CENPC: variants seen among roughly 807,000 people sequenced by gnomAD.
CENPC encodes the protein CENP-C 1.
Under a neutral mutation model 112.1 loss-of-function variants are expected in CENPC, and 63 were observed. That is an observed-to-expected ratio of 0.56 (90% confidence interval 0.46 to 0.69). CENPC has a LOEUF of 0.69. Among genes scored for constraint, CENPC ranks in the 30% least tolerant of loss-of-function variants. The pLI, the probability that CENPC is intolerant of heterozygous loss-of-function variation, is 0.00. For synonymous variants in CENPC, 333 were observed against 367.6 expected, an observed-to-expected ratio of 0.91 and a Z score of 1.08; for missense variants, 1,000 against 1,103.8, an observed-to-expected ratio of 0.91 and a Z score of 1.33.
At chr4:67,536,884 G>A (rs1019489546) in intron 4 of CENPC, among the ~76,000 whole-genome samples, 2 of 151,436 alleles carry the variant, frequency 1.3e-5, no homozygotes, top group African/African-American at 4.8e-5. Context: ...AAAATTAATC[G>A]ATGAAAAAGA....
intron 5 of CENPC, among the ~76,000 whole-genome samples, chr4:67,528,485 C>T (rs1374339624): frequency 6.6e-6 from 1 of 152,110 alleles, no homozygotes; most frequent in African/African-American, 2.4e-5. Flanking sequence ...TACCCCCTAC[C>T]ACAATCCCCT....
At chr4:67,484,327 C>T (rs1725031181) in intron 17 of CENPC, among the ~76,000 whole-genome samples, 1 of 152,156 alleles carries the variant, frequency 6.6e-6, no homozygotes, top group African/African-American at 2.4e-5. Flanking sequence ...CTTAATGACT[C>T]ATTTCTCAGT....
intron 2 of CENPC, among the ~76,000 whole-genome samples, chr4:67,542,155 T>A (rs776831811): frequency 6.6e-6 from 1 of 152,186 alleles, no homozygotes; most frequent in Non-Finnish European, 1.5e-5. Flanking sequence ...GTGGACAAAC[T>A]TTTGCTTAAA....
chr4:67,523,164 T>A (rs1208334232), intron 5 of CENPC, among the ~76,000 whole-genome samples: 1 of 151,388 alleles, frequency 6.6e-6, no homozygotes, highest in Non-Finnish European at 1.5e-5. Flanking sequence ...ACACAAAAAA[T>A]TAGATGAGCG....
chr4:67,545,446 G>C lies in CENPC; in HGVS notation c.-91C>G, dbSNP rs756635543. 8.9e-6 allele frequency: 12 copies of C among 1,344,244 alleles called. No homozygotes were observed. The highest frequency in any genetic ancestry group is 1.2e-5 in the Non-Finnish European group (12 of 1,014,262). The allele number at this position is 1,344,244 out of a possible 1,614,324, so 83.3% of individuals were successfully genotyped here. A position where few individuals can be genotyped will look rare whatever the true frequency, so the allele number is the denominator to read the frequency against. ...AAGCCGAGCAAGAAACGAATCGCCG[G>C]AATACCAGGCCGCGGCCAAGCAATA... On this transcript the variant is annotated 5_prime_UTR_variant, in exon 1 of 19. Coordinates refer to ENST00000273853, the MANE Select transcript of CENPC (RefSeq NM_001812.4).
chr4:67,537,604 C>A (rs751615572), intron 4 of CENPC, among the ~76,000 whole-genome samples: 1 of 152,036 alleles, frequency 6.6e-6, no homozygotes, highest in Non-Finnish European at 1.5e-5. Flanking sequence ...ACCAGCCTGG[C>A]CAACATGGTT....
In CENPC at chr4:67,472,280, G is replaced by T; in HGVS notation, c.*325C>A. The T allele has an allele frequency of 6.0e-6, 1 of 167,250 alleles. No individual in the cohort carries two copies. The highest frequency in any genetic ancestry group is 1.3e-5 in the Non-Finnish European group (1 of 78,526). 10.4% of individuals were successfully genotyped at this position (167,250 alleles called of 1,614,324 possible). On this transcript the variant is annotated 3_prime_UTR_variant, in exon 19 of 19. Transcript: ENST00000273853. ...AATAAATGATTTAAAATTAGTATTT[G>T]GAAAAGATGTTTTTTAATGAGTAGA... is the stretch of plus-strand genomic sequence containing the variant.
intron 4 of CENPC, among the ~76,000 whole-genome samples, chr4:67,533,650 G>C (rs1352177512): frequency 6.6e-6 from 1 of 152,126 alleles, no homozygotes; most frequent in African/African-American, 2.4e-5. Context: ...AGAGAGAATG[G>C]AAACATGCTA....
intron 5 of CENPC, among the ~76,000 whole-genome samples, chr4:67,530,554 T>C (rs973765731): frequency 2.6e-5 from 4 of 152,102 alleles, no homozygotes; most frequent in African/African-American, 9.7e-5. Flanking sequence ...GTAACACTCT[T>C]TTAATCTGAA....
At chr4:67,490,768 A>G (rs1292837656) in intron 16 of CENPC, among the ~76,000 whole-genome samples, 1 of 149,580 alleles carries the variant, frequency 6.7e-6, no homozygotes, top group African/African-American at 2.4e-5. Context: ...TCTGTCATCA[A>G]TGTCTGATTC....
intron 9 of CENPC, chr4:67,510,877 C>A (rs928789438): frequency 1.5e-5 from 6 of 403,460 alleles, no homozygotes; most frequent in Admixed American, 2.8e-5. Context: ...CCAGCTTGAT[C>A]AAAAATCCAA....
At chr4:67,493,736 A>C in intron 14 of CENPC, 148 bp downstream of exon 14, 1 of 571,020 alleles carries the variant, frequency 1.8e-6, no homozygotes, top group Non-Finnish European at 3.1e-6. Context: ...CTCTACATTA[A>C]TCAGACAAAA....
chr4:67,497,854 T>C (rs1167731569), intron 12 of CENPC, among the ~76,000 whole-genome samples: 1 of 151,564 alleles, frequency 6.6e-6, no homozygotes, highest in East Asian at 2.0e-4. Flanking sequence ...TACTATACTA[T>C]AGTCTATTAA....
At chr4:67,519,549 A>C in intron 5 of CENPC, 47 bp from the exon 6 acceptor site, 1 of 1,241,132 alleles carries the variant, frequency 8.1e-7, no homozygotes, top group African/African-American at 1.5e-5. Flanking sequence ...AAGAATAATA[A>C]GAGAATCAAG....
At chr4:67,523,368 A>T (rs1321123114) in intron 5 of CENPC, among the ~76,000 whole-genome samples, 1 of 152,204 alleles carries the variant, frequency 6.6e-6, no homozygotes, top group African/African-American at 2.4e-5. Flanking sequence ...ACTGTACATA[A>T]GCACTATTCT....
intron 17 of CENPC, among the ~76,000 whole-genome samples, chr4:67,478,387 T>G (rs1283856425): frequency 6.6e-6 from 1 of 151,928 alleles, no homozygotes; most frequent in Non-Finnish European, 1.5e-5. Context: ...GGGACTGAGG[T>G]CCTATCTTTA....
chr4:67,545,266 T>C (rs554352637), intron 1 of CENPC, 72 bp downstream of exon 1: 3 of 1,397,350 alleles, frequency 2.1e-6, no homozygotes, highest in South Asian at 3.0e-5. Flanking sequence ...CATTTCCTTC[T>C]CCCCAGCCTC....
chr4:67,505,125 A>G, intron 12 of CENPC, 80 bp downstream of exon 12: 1 of 972,584 alleles, frequency 1.0e-6, no homozygotes, highest in Non-Finnish European at 1.6e-6. Context: ...CATCAGTGAC[A>G]ATGTAAACAA....
chr4:67,513,859 A>G lies in CENPC; in HGVS notation c.1444+215T>C, dbSNP rs146128435. Among the ~76,000 whole-genome samples the G allele has an allele frequency of 3.0e-3, 452 of 152,144 alleles. 2 individuals are homozygous for G. The highest frequency in any genetic ancestry group is 0.01 in the African/African-American group (425 of 41,540). On this transcript the variant is annotated intron_variant, in intron 8 of 18. Transcript: ENST00000273853. ...GCCTTTTCTTTTCACTTTGCCCTCTATATATACTGCCATCTCACAAGATAA... is the reference window on the plus strand; with the variant it reads ...GCCTTTTCTTTTCACTTTGCCCTCTGTATATACTGCCATCTCACAAGATAA...
Sources: allele counts gnomAD v4.1 joint callset (sites outside exome capture counted in the v4.1 genomes callset), GRCh38; gene constraint gnomAD v4.1.1; transcripts MANE v1.5; gene names NCBI Gene and HGNC (gene_info 2026-07-23, HGNC 2026-07-21).